Variants in MAGI2 observed in about 807,000 individuals in gnomAD.
MAGI2 encodes the protein membrane-associated guanylate kinase, WW and PDZ domain-containing protein 2.
In MAGI2, 35 loss-of-function variants were observed where a neutral mutation model predicts 133.3. The observed-to-expected ratio is 0.26, with a 90% CI of 0.20 to 0.35. MAGI2 has a LOEUF of 0.35. Ranked by LOEUF, MAGI2 falls within the 10% of genes least tolerant of loss-of-function variation. The pLI is 1.00. For missense variants in MAGI2, 1,636 were observed against 1,863.4 expected, an observed-to-expected ratio of 0.88 and a Z score of 2.25; for synonymous variants, 729 against 710.6, an observed-to-expected ratio of 1.03 and a Z score of -0.41.
chr7:79,335,370 G>A (rs907326008), intron 1 of MAGI2, among the ~76,000 whole-genome samples: 3 of 152,076 alleles, frequency 2.0e-5, no homozygotes, highest in South Asian at 2.1e-4. Context: ...GCTGTGATAT[G>A]AGTGGCATTT....
chr7:79,292,918 G>A (rs560222297), intron 1 of MAGI2, among the ~76,000 whole-genome samples: 1 of 152,038 alleles, frequency 6.6e-6, no homozygotes, highest in South Asian at 2.1e-4. Flanking sequence ...CCACTGCTGG[G>A]TGTTGCTTGC....
At chr7:78,871,983 AAC>A (rs1245766913) in intron 2 of MAGI2, among the ~76,000 whole-genome samples, 1 of 151,960 alleles carries the variant, frequency 6.6e-6, no homozygotes, top group African/African-American at 2.4e-5. Context: ...ATCAACCACA[AAC>A]ACATATGCAC....
chr7:78,270,481 C>A (rs569011591), intron 9 of MAGI2, among the ~76,000 whole-genome samples: 23 of 152,146 alleles, frequency 1.5e-4, no homozygotes, highest in African/African-American at 5.3e-4. Context: ...CCTTCACATC[C>A]CTTGTAAGTT....
At chr7:79,257,710 T>C (rs1833791795) in intron 1 of MAGI2, among the ~76,000 whole-genome samples, 1 of 152,188 alleles carries the variant, frequency 6.6e-6, no homozygotes, top group Non-Finnish European at 1.5e-5. Flanking sequence ...CTAAAACAAA[T>C]TAGACTTCCA....
At chr7:78,043,374 C>T (rs1043386589) in intron 21 of MAGI2, among the ~76,000 whole-genome samples, 4 of 152,196 alleles carry the variant, frequency 2.6e-5, no homozygotes, top group South Asian at 2.1e-4. Context: ...AAAATACCTG[C>T]GTAGCCAGTT....
intron 1 of MAGI2, among the ~76,000 whole-genome samples, chr7:79,297,652 T>C (rs1459304007): frequency 6.6e-6 from 1 of 152,214 alleles, no homozygotes; most frequent in Non-Finnish European, 1.5e-5. Flanking sequence ...TGTAAATAAG[T>C]AAAAATTAAC....
intron 2 of MAGI2, among the ~76,000 whole-genome samples, chr7:78,725,827 A>C (rs1485256569): frequency 6.6e-6 from 1 of 152,130 alleles, no homozygotes; most frequent in Non-Finnish European, 1.5e-5. Context: ...ACAAACAAAC[A>C]AACAAACAAA....
intron 1 of MAGI2, among the ~76,000 whole-genome samples, chr7:79,338,045 G>A (rs1391667490): frequency 6.6e-6 from 1 of 152,030 alleles, no homozygotes; most frequent in East Asian, 1.9e-4. Context: ...TTTGGCATGC[G>A]GTAAATGCTC....
intron 1 of MAGI2, among the ~76,000 whole-genome samples, chr7:79,229,782 GTT>G (rs1280895554): frequency 2.0e-5 from 3 of 151,218 alleles, no homozygotes; most frequent in African/African-American, 7.3e-5. Context: ...TTTTTTTTAA[GTT>G]TTTTTAAAAA....
chr7:78,239,493 T>C (rs568037251), intron 10 of MAGI2, among the ~76,000 whole-genome samples: 1 of 152,204 alleles, frequency 6.6e-6, no homozygotes, highest in East Asian at 1.9e-4. Context: ...TGGAAGAAAA[T>C]ATTTGTAAAC....
intron 2 of MAGI2, among the ~76,000 whole-genome samples, chr7:78,916,087 A>G (rs1233113979): frequency 6.6e-6 from 1 of 152,138 alleles, no homozygotes; most frequent in African/African-American, 2.4e-5. Context: ...TTGCAACTAA[A>G]GAGTATAGCA....
intron 2 of MAGI2, among the ~76,000 whole-genome samples, chr7:78,851,321 G>A (rs949696780): frequency 1.3e-5 from 2 of 151,976 alleles, no homozygotes; most frequent in Non-Finnish European, 2.9e-5. Flanking sequence ...TTAAGAGTAC[G>A]GCAATATTAA....
At chr7:79,264,034 A>T (rs369089358) in intron 1 of MAGI2, among the ~76,000 whole-genome samples, 16 of 152,308 alleles carry the variant, frequency 1.1e-4, no homozygotes, top group African/African-American at 3.4e-4. Flanking sequence ...AATTTTCAAG[A>T]AGCCACCACA....
At chr7:78,636,022 C>A (rs1422925292) in intron 2 of MAGI2, among the ~76,000 whole-genome samples, 1 of 152,002 alleles carries the variant, frequency 6.6e-6, no homozygotes, top group Non-Finnish European at 1.5e-5. Context: ...GTAATGTAGG[C>A]CTTATAGATT....
At chr7:79,368,926 A>G (rs925842677) in intron 1 of MAGI2, among the ~76,000 whole-genome samples, 1 of 151,310 alleles carries the variant, frequency 6.6e-6, no homozygotes, top group African/African-American at 2.4e-5. Flanking sequence ...AGAAAGTGCT[A>G]CCCCATCATC....
intron 1 of MAGI2, chr7:79,177,001 G>C (rs2129549814): frequency 6.6e-6 from 1 of 152,086 alleles, no homozygotes; most frequent in East Asian, 1.9e-4. Context: ...TGCGGAATCA[G>C]AAAGCAGCGA....
intron 2 of MAGI2, among the ~76,000 whole-genome samples, chr7:78,710,430 A>C (rs1819069974): frequency 6.6e-6 from 1 of 152,056 alleles, no homozygotes; most frequent in Non-Finnish European, 1.5e-5. Flanking sequence ...CTCCATATTA[A>C]CCCCATCAAA....
At chr7:78,508,616 G>A (rs375396002) in intron 4 of MAGI2, among the ~76,000 whole-genome samples, 1 of 152,166 alleles carries the variant, frequency 6.6e-6, no homozygotes, top group African/African-American at 2.4e-5. Context: ...CTACTCCTGC[G>A]AGTATTCCTA....
At chr7:78,660,468 C>T (rs1169191717) in intron 2 of MAGI2, among the ~76,000 whole-genome samples, 1 of 151,794 alleles carries the variant, frequency 6.6e-6, no homozygotes, top group Non-Finnish European at 1.5e-5. Context: ...GAGGAAAATG[C>T]CTAATATCAG....
Sources: allele counts gnomAD v4.1 joint callset (sites outside exome capture counted in the v4.1 genomes callset), GRCh38; gene constraint gnomAD v4.1.1; transcripts MANE v1.5; gene names NCBI Gene and HGNC (gene_info 2026-07-23, HGNC 2026-07-21).